ENPP2: variants seen among roughly 807,000 people sequenced by gnomAD.
ENPP2 encodes the protein autotaxin.
ENPP2 carries 51 observed loss-of-function variants against 120.2 expected under a neutral mutation model. The ratio of observed to expected loss-of-function variants is 0.42; its 90% CI spans 0.34 to 0.54. The LOEUF (loss-of-function observed/expected upper bound fraction) is 0.54, where lower values mean the gene tolerates loss of function less well. Ranked by LOEUF, ENPP2 falls within the 20% of genes least tolerant of loss-of-function variation. The probability of loss-of-function intolerance (pLI) is 0.04; values close to 1 mark genes in which losing one functional copy is unlikely to be tolerated. For synonymous variants in ENPP2, 365 were observed against 366.4 expected, an observed-to-expected ratio of 1.00 and a Z score of 0.04; for missense variants, 920 against 1,066.5, an observed-to-expected ratio of 0.86 and a Z score of 1.91.
chr8:119,612,172 G>A (rs1815156009), intron 8 of ENPP2, among the ~76,000 whole-genome samples: 1 of 152,180 alleles, frequency 6.6e-6, no homozygotes, highest in Admixed American at 6.5e-5. Flanking sequence ...GCTGAAATTT[G>A]GAAGAAAAAT....
intron 2 of ENPP2, among the ~76,000 whole-genome samples, chr8:119,628,513 C>T (rs900475850): frequency 3.9e-5 from 6 of 151,924 alleles, no homozygotes; most frequent in African/African-American, 1.5e-4. Flanking sequence ...GTTGTTTTTC[C>T]CGTCAAGAAA....
intron 12 of ENPP2, among the ~76,000 whole-genome samples, chr8:119,591,863 G>A (rs1813530371): frequency 1.3e-5 from 2 of 152,124 alleles, no homozygotes; most frequent in Admixed American, 6.5e-5. Context: ...GCGTGGGAAG[G>A]GAAAGTCCCC....
At chr8:119,568,006 A>G (rs1445866452) in intron 22 of ENPP2, among the ~76,000 whole-genome samples, 169 bp downstream of exon 22, 1 of 152,212 alleles carries the variant, frequency 6.6e-6, no homozygotes, top group East Asian at 1.9e-4. Flanking sequence ...CATGAAATCA[A>G]AGTTTACATC....
intron 5 of ENPP2, 40 bp downstream of exon 5, chr8:119,619,204 T>C: frequency 7.4e-7 from 1 of 1,346,960 alleles, no homozygotes; most frequent in Non-Finnish European, 1.1e-6. Flanking sequence ...GTTTATCAGC[T>C]AATACATAAA....
chr8:119,640,344 A>C (rs1212535855), upstream of ENPP2, among the ~76,000 whole-genome samples: 2 of 152,204 alleles, frequency 1.3e-5, no homozygotes, highest in Non-Finnish European at 2.9e-5. Context: ...TCCATGAAAG[A>C]TTTTCCTATA....
chr8:119,590,605 T>A lies in ENPP2; in HGVS notation c.1107A>T (p.Arg369Ser). 1 of 1,581,052 alleles carries A rather than the reference T, an allele frequency of 6.3e-7. No individual in the cohort carries two copies. The highest frequency in any genetic ancestry group is 8.6e-7 in the Non-Finnish European group (1 of 1,163,012). ...TTAGGTAATTACTCAAGAACTCAGT[T>A]CTATCACATGTGACATCTTCCATTC... is the stretch of plus-strand genomic sequence containing the variant. The part of the protein sequence containing the change: ...DHGMEDVTCD[R>S]TEFLSNYLTN... The change falls in exon 13 of 25, where the codon AGA becomes AGT. Residue 369 changes from arginine (R) to serine (S), a missense_variant. By Grantham distance (110) the Arg-to-Ser change is moderately radical. Coordinates refer to ENST00000075322, the MANE Select transcript of ENPP2 (RefSeq NM_001040092.3).
intron 1 of ENPP2, among the ~76,000 whole-genome samples, chr8:119,658,975 T>G (rs892691864): frequency 8.5e-5 from 13 of 152,164 alleles, no homozygotes; most frequent in African/African-American, 3.1e-4. Context: ...GCAGCAGGGT[T>G]GCTGGGCCCT....
intron 16 of ENPP2, 27 bp from the exon 17 acceptor site, chr8:119,583,831 C>G: frequency 6.7e-7 from 1 of 1,493,878 alleles, no homozygotes; most frequent in Non-Finnish European, 9.3e-7. Flanking sequence ...AAAACAAAAA[C>G]AGTTAAGCAT....
At chr8:119,559,076 T>C (rs1373523297) in intron 24 of ENPP2, among the ~76,000 whole-genome samples, 1 of 152,088 alleles carries the variant, frequency 6.6e-6, no homozygotes, top group Non-Finnish European at 1.5e-5. Flanking sequence ...AGGTAAGAAT[T>C]TTAACCTTCA....
chr8:119,618,704 AT>A (rs939975538), intron 5 of ENPP2, among the ~76,000 whole-genome samples: 21 of 145,654 alleles, frequency 1.4e-4, no homozygotes, highest in Admixed American at 4.1e-4. Flanking sequence ...TTTTTTTTGT[AT>A]TTTTTTTTTA....
chr8:119,575,633 C>T (rs971555387), intron 19 of ENPP2, among the ~76,000 whole-genome samples: 2 of 152,158 alleles, frequency 1.3e-5, no homozygotes, highest in Non-Finnish European at 2.9e-5. Flanking sequence ...CTAATCTCAG[C>T]TCTTTATAGT....
intron 19 of ENPP2, chr8:119,571,551 T>A (rs1312707259): frequency 2.0e-5 from 3 of 152,224 alleles, no homozygotes; most frequent in Non-Finnish European, 4.4e-5. Context: ...GAAGCTTTAC[T>A]CTTTGCGGAA....
chr8:119,600,701 T>A lies in ENPP2; in HGVS notation c.949A>T (p.Lys317Ter). The A allele has an allele frequency of 6.2e-7, 1 of 1,612,892 alleles. No individual in the cohort carries two copies. Among genetic ancestry groups the A allele is most frequent in the South Asian group, 1.1e-5 (1 of 91,058 alleles). The change falls in exon 11 of 25, where the codon AAA becomes TAA. Residue 317 changes from lysine (K) to a stop codon, truncating the protein, a stop_gained. Transcript: ENST00000075322. LOFTEE classifies it high-confidence loss of function. ...ACCTCAGGGCCGAAAGGGCCATATT[T>A]GTGTCCAGAGAAATCAGGTTGCTCA... ...YSEQPDFSGH[K>*]YGPFGPEMTN...
rs1292726167 is a variant in ENPP2, at chr8:119,582,551, T to C, written c.1595A>G (p.Asn532Ser). The part of the protein sequence containing the change: ...APNNGTHGSL[N>S]HLLRTNTFRP... ...GAAGGTATTAGTGCGCAGGAGATGA[T>C]TCAAACTTCCATGGGTCCCATTATT... The change falls in exon 18 of 25, where the codon AAT becomes AGT. Residue 532 changes from asparagine (N) to serine (S), a missense_variant. Physicochemically the swap from Asn to Ser is conservative, Grantham distance 46. Transcript: ENST00000075322. 1.2e-6 allele frequency: 2 copies of C among 1,613,986 alleles called. No homozygotes were observed. The highest frequency in any genetic ancestry group is 8.5e-7 in the Non-Finnish European group (1 of 1,179,842).
intron 1 of ENPP2, among the ~76,000 whole-genome samples, chr8:119,654,062 A>G (rs1817699758): frequency 6.9e-6 from 1 of 145,268 alleles, no homozygotes; most frequent in African/African-American, 2.5e-5. Context: ...AGAGAGACAT[A>G]TTATATATTA....
Position 119,570,827 on chromosome 8 carries a change from A to T in ENPP2, c.1795T>A (p.Tyr599Asn), listed in dbSNP as rs767775503. ...KGSTEERHLLYGRPAVLYRTR... is the reference protein window; with the variant it reads ...KGSTEERHLLNGRPAVLYRTR... ...CGATAAAGCACTGCAGGTCGCCCATAGAGGAGGTGTCTCTCTAAAAAAGAA... is the reference window on the plus strand; with the variant it reads ...CGATAAAGCACTGCAGGTCGCCCATTGAGGAGGTGTCTCTCTAAAAAAGAA... Residue 599 changes from tyrosine to asparagine, a missense_variant, in exon 20 of 25, where the codon TAT becomes AAT. Transcript: ENST00000075322. The T allele has an allele frequency of 6.4e-7, 1 of 1,558,788 alleles. No homozygotes were observed. Among genetic ancestry groups the T allele is most frequent in the South Asian group, 1.3e-5 (1 of 79,160 alleles).
At chr8:119,606,613 A>G (rs76312612) in intron 9 of ENPP2, among the ~76,000 whole-genome samples, 9,370 of 152,156 alleles carry the variant, frequency 0.062, 395 homozygotes, top group Non-Finnish European at 0.089. Context: ...CTTTAAAAAA[A>G]AAAAAAAGAA....
At chr8:119,663,302 C>T (rs983791738) in intron 1 of ENPP2, among the ~76,000 whole-genome samples, 9 of 152,160 alleles carry the variant, frequency 5.9e-5, no homozygotes, top group African/African-American at 1.7e-4. Flanking sequence ...TAGGTAAATG[C>T]ATAATTTTCA....
In ENPP2 at chr8:119,580,102, C is replaced by A; in HGVS notation, c.1780+14G>T. 1.2e-6 allele frequency: 2 copies of A among 1,602,918 alleles called. No individual in the cohort carries two copies. Among genetic ancestry groups the A allele is most frequent in the Non-Finnish European group, 1.7e-6 (2 of 1,170,134 alleles). On this transcript the variant is annotated intron_variant, in intron 19 of 24. Transcript: ENST00000075322. ...AGAAAAACCTTATCTGATTATTTTG[C>A]AACCACCCCTTACCTTCTGTAGACC...
Sources: allele counts gnomAD v4.1 joint callset (sites outside exome capture counted in the v4.1 genomes callset), GRCh38; gene constraint gnomAD v4.1.1; transcripts MANE v1.5; gene names NCBI Gene and HGNC (gene_info 2026-07-23, HGNC 2026-07-21).